Variants in BMPR1B observed in about 807,000 individuals in gnomAD.
BMPR1B encodes bone morphogenetic protein receptor type 1B.
Under a neutral mutation model 59.1 loss-of-function variants are expected in BMPR1B, and 12 were observed. The ratio of observed to expected loss-of-function variants is 0.20; its 90% confidence interval spans 0.13 to 0.33. The LOEUF (loss-of-function observed/expected upper bound fraction) is 0.33. Ranked by LOEUF, BMPR1B falls within the 10% of genes least tolerant of loss-of-function variation. The pLI, the probability that BMPR1B is intolerant of heterozygous loss-of-function variation, is 1.00. For synonymous variants in BMPR1B, 237 were observed against 207.3 expected (o/e 1.14, Z -1.23); for missense variants, 550 against 610.9 (o/e 0.90, Z 1.05).
chr4:94,845,250 T>A (rs886340420), intron 1 of BMPR1B, among the ~76,000 whole-genome samples: 97 of 152,164 alleles, frequency 6.4e-4, no homozygotes, highest in African/African-American at 2.0e-3. Flanking sequence ...TTTAAAAATT[T>A]CGGTTCAATA....
chr4:94,946,777 G>A (rs1013132456), intron 2 of BMPR1B, among the ~76,000 whole-genome samples: 1 of 152,080 alleles, frequency 6.6e-6, no homozygotes, highest in Non-Finnish European at 1.5e-5. Flanking sequence ...TTGGTCAGGC[G>A]TGGTGGCTCA....
intron 1 of BMPR1B, among the ~76,000 whole-genome samples, chr4:94,783,838 G>A (rs151067331): frequency 2.3e-4 from 35 of 152,278 alleles, no homozygotes; most frequent in Admixed American, 1.8e-3. Flanking sequence ...GAATGTAGCC[G>A]TTGTAGTTTA....
At chr4:94,963,914 G>A (rs1243466795) in intron 2 of BMPR1B, among the ~76,000 whole-genome samples, 2 of 151,938 alleles carry the variant, frequency 1.3e-5, no homozygotes, top group Non-Finnish European at 2.9e-5. Context: ...TCTGTAGGTC[G>A]CTTTGGGTAG....
At chr4:95,116,480 CAG>C (rs1386510528) in intron 6 of BMPR1B, among the ~76,000 whole-genome samples, 2 of 144,026 alleles carry the variant, frequency 1.4e-5, no homozygotes, top group Admixed American at 7.0e-5. Flanking sequence ...TTTGTTGTTG[CAG>C]AGTTTTAAGT....
At chr4:95,094,694 G>A (rs1408802342) in intron 3 of BMPR1B, among the ~76,000 whole-genome samples, 2 of 152,064 alleles carry the variant, frequency 1.3e-5, no homozygotes, top group African/African-American at 2.4e-5. Flanking sequence ...AGCTGAGCTC[G>A]AGTTTGAACC....
intron 3 of BMPR1B, among the ~76,000 whole-genome samples, chr4:95,100,250 T>C (rs541975877): frequency 6.6e-6 from 1 of 152,170 alleles, no homozygotes; most frequent in Non-Finnish European, 1.5e-5. Flanking sequence ...CTGAGAAAGA[T>C]ACATGGGAGG....
At chr4:95,108,900 A>G (rs1232190266) in intron 4 of BMPR1B, among the ~76,000 whole-genome samples, 1 of 152,064 alleles carries the variant, frequency 6.6e-6, no homozygotes, top group Non-Finnish European at 1.5e-5. Context: ...ATCACTGCAT[A>G]CCTTGAGTGC....
chr4:95,079,873 C>CT (rs1728989213), intron 3 of BMPR1B, among the ~76,000 whole-genome samples: 1 of 151,970 alleles, frequency 6.6e-6, no homozygotes. Context: ...ATTTGAGAAA[C>CT]TTTTTCTTTT....
chr4:94,972,725 G>T (rs1051252838), intron 2 of BMPR1B, among the ~76,000 whole-genome samples: 7 of 152,034 alleles, frequency 4.6e-5, no homozygotes, highest in Admixed American at 2.0e-4. Context: ...TTCAGCTCTG[G>T]ATATAACTGT....
intron 1 of BMPR1B, among the ~76,000 whole-genome samples, chr4:94,829,318 T>A (rs776663334): frequency 7.0e-5 from 10 of 142,976 alleles, no homozygotes; most frequent in Non-Finnish European, 1.5e-4. Flanking sequence ...CAACAATGAT[T>A]TTATTTTCCT....
At chr4:95,010,707 A>T (rs1723159975) in intron 3 of BMPR1B, among the ~76,000 whole-genome samples, 1 of 152,176 alleles carries the variant, frequency 6.6e-6, no homozygotes, top group South Asian at 2.1e-4. Context: ...AATCCAGAGC[A>T]ATGTTGTATC....
chr4:95,036,994 ACT>A (rs1220258888), intron 3 of BMPR1B, among the ~76,000 whole-genome samples: 1 of 151,824 alleles, frequency 6.6e-6, no homozygotes, highest in Non-Finnish European at 1.5e-5. Flanking sequence ...AGCTGCTGCT[ACT>A]CCCACCACCA....
intron 2 of BMPR1B, among the ~76,000 whole-genome samples, chr4:94,994,861 A>G (rs1721962951): frequency 6.6e-6 from 1 of 152,212 alleles, no homozygotes; most frequent in Non-Finnish European, 1.5e-5. Context: ...GAAGGAACAC[A>G]TTACTGTAAG....
intron 1 of BMPR1B, among the ~76,000 whole-genome samples, chr4:94,797,004 A>C (rs1578655019): frequency 1.3e-5 from 2 of 152,292 alleles, no homozygotes; most frequent in East Asian, 3.9e-4. Context: ...CATGCTGCTG[A>C]TAAAGACATA....
At chr4:94,926,556 T>C (rs1010305578) in intron 2 of BMPR1B, among the ~76,000 whole-genome samples, 3 of 152,188 alleles carry the variant, frequency 2.0e-5, no homozygotes, top group Admixed American at 6.5e-5. Flanking sequence ...TCTTAATTTG[T>C]TTCTCTCACA....
intron 3 of BMPR1B, among the ~76,000 whole-genome samples, chr4:95,043,910 A>G (rs905186225): frequency 5.3e-5 from 8 of 152,296 alleles, no homozygotes; most frequent in African/African-American, 1.9e-4. Flanking sequence ...TAGGTGAAAA[A>G]TGGTTTGTGT....
chr4:95,059,450 A>G (rs1727180502), intron 3 of BMPR1B, among the ~76,000 whole-genome samples: 1 of 152,154 alleles, frequency 6.6e-6, no homozygotes, highest in East Asian at 1.9e-4. Context: ...CTAAAGGAGA[A>G]AGAGCCTTGT....
intron 3 of BMPR1B, among the ~76,000 whole-genome samples, chr4:95,091,828 T>G (rs546525541): frequency 4.6e-5 from 7 of 152,068 alleles, no homozygotes; most frequent in Non-Finnish European, 1.0e-4. Context: ...GAAAATACCA[T>G]GTAGCCGAAC....
intron 3 of BMPR1B, among the ~76,000 whole-genome samples, chr4:94,997,487 G>T (rs764475678): frequency 6.6e-6 from 1 of 152,138 alleles, no homozygotes; most frequent in African/African-American, 2.4e-5. Flanking sequence ...TGTTGAATGC[G>T]TATATAACTT....
Sources: allele counts gnomAD v4.1 joint callset (sites outside exome capture counted in the v4.1 genomes callset), GRCh38; gene constraint gnomAD v4.1.1; transcripts MANE v1.5; gene names NCBI Gene and HGNC (gene_info 2026-07-23, HGNC 2026-07-21).